The following ITIH4 variants were observed in gnomAD, a reference collection of about 807,000 sequenced individuals.
ITIH4 encodes inter-alpha-trypsin inhibitor heavy chain 4.
Under a neutral mutation model 111.8 loss-of-function variants are expected in ITIH4, and 79 were observed. The ratio of observed to expected loss-of-function variants is 0.71; its 90% confidence interval spans 0.59 to 0.85. The LOEUF (loss-of-function observed/expected upper bound fraction) is 0.85. Ranked by LOEUF, ITIH4 falls within the 40% of genes least tolerant of loss-of-function variation. The pLI is 0.00. For synonymous variants in ITIH4, 472 were observed against 468.3 expected (o/e 1.01, Z -0.10); for missense variants, 1,065 against 1,195.8 (o/e 0.89, Z 1.61).
intron 2 of ITIH4, among the ~76,000 whole-genome samples, chr3:52,827,403 TC>T (rs940658560): frequency 6.6e-6 from 1 of 152,178 alleles, no homozygotes; most frequent in Admixed American, 6.5e-5. Flanking sequence ...GGCCTCTAGC[TC>T]CCGGAGGTGT....
rs892346107 is a variant in ITIH4, at chr3:52,824,658, G to A, written c.877-93C>T. 3 of 1,394,114 alleles carry A rather than the reference G, an allele frequency of 2.2e-6. No homozygotes were observed. The highest frequency in any genetic ancestry group is 2.9e-5 in the African/African-American group (2 of 70,032). 86.4% of individuals were successfully genotyped at this position (1,394,114 alleles called of 1,614,324 possible). A position where few individuals can be genotyped will look rare whatever the true frequency, so the allele number is the denominator to read the frequency against. ...GCATCCTTGGACTCCTGTCTCAGGGGTGAGGTCATGGTATCTGCTCTAGGA... is the reference window on the plus strand; with the variant it reads ...GCATCCTTGGACTCCTGTCTCAGGGATGAGGTCATGGTATCTGCTCTAGGA... On this transcript the variant is annotated intron_variant, in intron 7 of 23. Transcript: ENST00000266041. This position sits in a 1 kb window ranked among gnomAD's most constrained non-coding sequence, Gnocchi z 4.3.
At chr3:52,821,236 CACTG>C in intron 11 of ITIH4, 106 bp from the exon 12 acceptor site, 1 of 1,353,980 alleles carries the variant, frequency 7.4e-7, no homozygotes, top group Non-Finnish European at 1.0e-6. Context: ...AGGTCCCACA[CACTG>C]ACTGTGGGGA....
At chr3:52,827,722 C>T (rs577933825) in intron 2 of ITIH4, among the ~76,000 whole-genome samples, 158 of 152,336 alleles carry the variant, frequency 1.0e-3, no homozygotes, top group African/African-American at 3.6e-3. Flanking sequence ...CGCTCCCTCC[C>T]ACAAGAGGCA....
chr3:52,823,012 G>A (rs545288521), intron 11 of ITIH4, among the ~76,000 whole-genome samples: 9 of 152,298 alleles, frequency 5.9e-5, no homozygotes, highest in African/African-American at 9.6e-5. Context: ...ATGAGGGCAC[G>A]GAGGGGTCAG....
At chr3:52,814,444 G>C in intron 21 of ITIH4, 81 bp from the exon 22 acceptor site, 4 of 1,254,858 alleles carry the variant, frequency 3.2e-6, no homozygotes, top group Non-Finnish European at 4.6e-6. Context: ...GGAGTGGGCT[G>C]GGCTTCCCCT....
At chr3:52,823,428 C>T in intron 11 of ITIH4, 128 bp downstream of exon 11, 1 of 709,984 alleles carries the variant, frequency 1.4e-6, no homozygotes, top group Non-Finnish European at 2.3e-6. Flanking sequence ...CCTGCCATGC[C>T]CCTGTGTCAT....
chr3:52,829,380 C>T lies in ITIH4; in HGVS notation c.91-101G>A, dbSNP rs1317782875. ...GCCCTGACTCTGGCTCTAGACCAAA[C>T]CCTGGCTCCCAATCTGACTGAGCCA... On this transcript the variant is annotated intron_variant, in intron 1 of 23. Coordinates refer to ENST00000266041, the MANE Select transcript of ITIH4 (RefSeq NM_002218.5). The T allele has an allele frequency of 2.3e-6, 3 of 1,288,100 alleles. No homozygotes were observed. In the African/African-American group the frequency reaches 4.4e-5, roughly 19 times the overall value. 79.8% of individuals were successfully genotyped at this position (1,288,100 alleles called of 1,614,324 possible).
In ITIH4 at chr3:52,813,328, T is replaced by C; in HGVS notation, c.*93A>G. 4 of 1,102,594 alleles carry C rather than the reference T, an allele frequency of 3.6e-6. No homozygotes were observed. Among genetic ancestry groups the C allele is most frequent in the Non-Finnish European group, 5.6e-6 (4 of 717,094 alleles). 68.3% of individuals were successfully genotyped at this position (1,102,594 alleles called of 1,614,324 possible). ...TCTTTATTTGTAATGAGTGGGACTC[T>C]TCCTCCCCATGGTGGTCCAGGCCCC... is the stretch of plus-strand genomic sequence containing the variant. On this transcript the variant is annotated 3_prime_UTR_variant, in exon 24 of 24. Transcript: ENST00000266041.
At chr3:52,820,091 C>T (rs1700351331) in intron 14 of ITIH4, 101 bp from the exon 15 acceptor site, 2 of 1,368,862 alleles carry the variant, frequency 1.5e-6, no homozygotes, top group Admixed American at 1.7e-5. Context: ...GGGCCTGAGG[C>T]ACAGCCAATA....
At chr3:52,818,316 C>A (rs1290019653) in intron 18 of ITIH4, 33 bp from the exon 19 acceptor site, 3 of 1,574,774 alleles carry the variant, frequency 1.9e-6, no homozygotes, top group Non-Finnish European at 2.6e-6. Context: ...TTTAGGCAGC[C>A]CCTTCCTGAG....
intron 6 of ITIH4, chr3:52,825,179 G>A: frequency 2.7e-6 from 1 of 372,994 alleles, no homozygotes; most frequent in Non-Finnish European, 4.8e-6. Context: ...AACTCTCCCT[G>A]CAACTTTTCC....
intron 11 of ITIH4, 37 bp downstream of exon 11, chr3:52,823,518 CT>C (rs1700428417): frequency 2.0e-6 from 3 of 1,524,268 alleles, no homozygotes; most frequent in Non-Finnish European, 2.7e-6. Context: ...GAGGTGGAGG[CT>C]GCCATTCCCC....
rs569565296 is a variant in ITIH4 at position 52,820,778 on chromosome 3, C to T, written c.1687G>A (p.Ala563Thr). 1.9e-5 allele frequency: 30 copies of T among 1,610,820 alleles called. No homozygotes were observed. The highest frequency in any genetic ancestry group is 1.4e-4 in the South Asian group (13 of 90,616). The change falls in exon 13 of 24, where the codon GCA (alanine) becomes ACA (threonine). Residue 563 changes from alanine (A) to threonine (T), a missense_variant. Ala to Thr is a moderately conservative substitution (Grantham distance 58, BLOSUM62 0). Coordinates refer to ENST00000266041, the MANE Select transcript of ITIH4 (RefSeq NM_002218.5). ...IQQLLEQTVS[A>T]SDADQQALRN... ...AGGGCCTGCTGATCAGCATCGGATG[C>T]GGAGACACTGTAGGTGGAGCACATC...
At chr3:52,820,124 T>G (rs9831977) in intron 14 of ITIH4, 134 bp from the exon 15 acceptor site, 133,869 of 1,268,062 alleles carry the variant, frequency 0.11, 7,890 homozygotes, top group Non-Finnish European at 0.12. Flanking sequence ...GGCGACTAAA[T>G]GCACCAGCAT....
At chr3:52,823,305 T>C (rs1700418352) in intron 11 of ITIH4, 3 of 489,614 alleles carry the variant, frequency 6.1e-6, no homozygotes, top group Non-Finnish European at 1.1e-5. Context: ...CAGGAAGGGA[T>C]GACAACTAGG....
chr3:52,813,490 T>C lies in ITIH4; in HGVS notation c.2724A>G (p.Arg908=). 4 of 1,613,770 alleles carry C rather than the reference T, an allele frequency of 2.5e-6. No individual in the cohort carries two copies. Among genetic ancestry groups the C allele is most frequent in the Non-Finnish European group, 3.4e-6 (4 of 1,179,764 alleles). ...RVQGNDHSAT[R]ERRLDYQEGP... ...CCTCCTGGTAATCCAGCCTGCGCTC[T>C]CTGAAATGGAAAGACAGACAGATAG... is the stretch of plus-strand genomic sequence containing the variant. Residue 908 remains arginine, a splice_region_variant and synonymous_variant, in exon 24 of 24, where the codon AGA becomes AGG. Coordinates refer to ENST00000266041, the MANE Select transcript of ITIH4 (RefSeq NM_002218.5).
At position 52,826,930 on chromosome 3, in the gene ITIH4, T is replaced by G. The variant is rs1263004077; in HGVS notation, c.380A>C (p.Gln127Pro). 6.2e-7 allele frequency: 1 copy of G among 1,613,996 alleles called. No homozygotes were observed. The highest frequency in any genetic ancestry group is 1.7e-5 in the Admixed American group (1 of 60,002). ...LVKATGRNME[Q>P]FQVSVSVAPN... ...AGCCACACTGACCGACACCTGGAAC[T>G]GCTCCATGTTTCTCCCGGTGGCCCT... is the stretch of plus-strand genomic sequence containing the variant. Residue 127 changes from glutamine (Q) to proline (P), a missense_variant, in exon 4 of 24, where the codon CAG (glutamine) becomes CCG (proline). Gln to Pro is a moderately conservative substitution (Grantham distance 76). Transcript: ENST00000266041.
At chr3:52,829,429 C>A (rs1460248182) in intron 1 of ITIH4, 150 bp from the exon 2 acceptor site, 2 of 750,424 alleles carry the variant, frequency 2.7e-6, no homozygotes, top group East Asian at 5.3e-5. Context: ...AGGCTGAACC[C>A]AGTGAGGCAT....
Position 52,824,820 on chromosome 3 carries a change from T to C in ITIH4, c.876+22A>G, listed in dbSNP as rs1309143921. 1 of 1,576,700 alleles carries C rather than the reference T, an allele frequency of 6.3e-7. No individual in the cohort carries two copies. The highest frequency in any genetic ancestry group is 8.7e-7 in the Non-Finnish European group (1 of 1,148,128). On this transcript the variant is annotated intron_variant, in intron 7 of 23. Coordinates refer to ENST00000266041, the MANE Select transcript of ITIH4 (RefSeq NM_002218.5). This position sits in a 1 kb window ranked among gnomAD's most constrained non-coding sequence, Gnocchi z 4.3. Reference sequence around the variant, plus strand: ...AAGGGCCTGGGAGTTTTCAGGGCCCTGCCCTGGGCCACAGGACCTACCTGC... The same window carrying C: ...AAGGGCCTGGGAGTTTTCAGGGCCCCGCCCTGGGCCACAGGACCTACCTGC...
Sources: gnomAD v4.1 joint callset for allele counts (sites outside exome capture counted in the v4.1 genomes callset) on GRCh38, gnomAD v4.1.1 for gene constraint, Gnocchi (gnomAD v3.1) non-coding constraint, MANE v1.5 for transcripts, NCBI Gene and HGNC (gene_info 2026-07-23, HGNC 2026-07-21) for gene names.